Variants in SGCD observed in about 807,000 individuals in gnomAD.
SGCD encodes delta-sarcoglycan.
A neutral mutation model predicts 36.6 loss-of-function variants in SGCD; 18 were observed. The observed-to-expected ratio is 0.49, with a 90% CI of 0.34 to 0.73. SGCD has a LOEUF of 0.73. Among genes scored for constraint, SGCD ranks in the 30% least tolerant of loss-of-function variants. The probability of loss-of-function intolerance (pLI) is 0.01; values close to 1 mark genes in which losing one functional copy is unlikely to be tolerated. For synonymous variants in SGCD, 133 were observed against 130.6 expected (o/e 1.02, Z -0.12); for missense variants, 387 against 346.7 (o/e 1.12, Z -0.92).
intron 1 of SGCD, among the ~76,000 whole-genome samples, chr5:155,898,194 G>T (rs748009068): frequency 2.0e-5 from 3 of 152,106 alleles, no homozygotes; most frequent in Non-Finnish European, 4.4e-5. Context: ...AATTGTCCCT[G>T]CTATCCCAGG....
the SGCD span, among the ~76,000 whole-genome samples, chr5:155,785,151 A>G: frequency 6.6e-6 from 1 of 152,192 alleles, no homozygotes; most frequent in Non-Finnish European, 1.5e-5. Flanking sequence ...AAAATATCTG[A>G]CAGACCATAA....
intron 3 of SGCD, among the ~76,000 whole-genome samples, chr5:156,239,399 C>CAAAAAAA (rs34839655): frequency 5.5e-5 from 4 of 72,596 alleles, no homozygotes; most frequent in Admixed American, 1.8e-4. Flanking sequence ...GATTTCATCT[C>CAAAAAAA]AAAAAAAAAA....
chr5:156,551,931 A>T (rs1025912460), intron 4 of SGCD, among the ~76,000 whole-genome samples: 1 of 152,218 alleles, frequency 6.6e-6, no homozygotes, highest in African/African-American at 2.4e-5. Flanking sequence ...AGCCTTTTCT[A>T]ACCGACCTGA....
chr5:156,328,260 G>A (rs1329718008), intron 1 of SGCD, among the ~76,000 whole-genome samples: 1 of 152,212 alleles, frequency 6.6e-6, no homozygotes, highest in African/African-American at 2.4e-5. Context: ...GCATTTGAGA[G>A]ACTGGTTCAG....
chr5:156,194,576 G>A (rs147652594), intron 3 of SGCD, among the ~76,000 whole-genome samples: 5 of 152,026 alleles, frequency 3.3e-5, no homozygotes, highest in African/African-American at 1.2e-4. Context: ...GCATAGATAA[G>A]CTACAGATTA....
At chr5:155,972,079 A>G (rs1364365357) in intron 1 of SGCD, among the ~76,000 whole-genome samples, 1 of 152,144 alleles carries the variant, frequency 6.6e-6, no homozygotes, top group Non-Finnish European at 1.5e-5. Context: ...ATATACATCT[A>G]TTTACTTGCT....
intron 1 of SGCD, among the ~76,000 whole-genome samples, chr5:155,901,019 A>G (rs969763771): frequency 2.0e-5 from 3 of 152,140 alleles, no homozygotes; most frequent in African/African-American, 7.2e-5. Flanking sequence ...TTGATGTAAG[A>G]TTTAAAAAAT....
rs188040723 is a variant in SGCD at position 156,079,635 on chromosome 5, C to T, written c.-281-38243C>T. On this transcript the variant is annotated intron_variant, in intron 1 of 9. Transcript: ENST00000517913. ...TACAGGCTCCATGAGAGTTCAAAAC[C>T]GGGGATGGCAGTAACTAAATCTTAA... 9.1e-4 allele frequency among the ~76,000 whole-genome samples: 138 copies of T among 152,282 alleles called. 7 individuals carry two copies. The highest frequency in any genetic ancestry group is 8.8e-3 in the Admixed American group (135 of 15,308).
intron 3 of SGCD, among the ~76,000 whole-genome samples, chr5:156,459,247 G>A (rs1284021926): frequency 6.6e-6 from 1 of 152,144 alleles, no homozygotes; most frequent in African/African-American, 2.4e-5. Context: ...GAGACAGATG[G>A]ACATTAGATA....
At chr5:155,949,258 T>G (rs1296337503) in intron 1 of SGCD, among the ~76,000 whole-genome samples, 1 of 152,190 alleles carries the variant, frequency 6.6e-6, no homozygotes, top group East Asian at 1.9e-4. Flanking sequence ...CTGAGTAAAT[T>G]TCCTGCTCAG....
the SGCD span, among the ~76,000 whole-genome samples, chr5:155,755,684 T>C: frequency 6.6e-6 from 1 of 151,672 alleles, no homozygotes; most frequent in Non-Finnish European, 1.5e-5. Context: ...GTAGGCTGGA[T>C]CCTTCTGTGT....
At chr5:156,212,007 A>G (rs1182064785) in intron 3 of SGCD, among the ~76,000 whole-genome samples, 1 of 152,216 alleles carries the variant, frequency 6.6e-6, no homozygotes, top group East Asian at 1.9e-4. Context: ...AAACGACAAG[A>G]GGTACACAAA....
At chr5:156,116,341 T>A (rs1392856096) in intron 1 of SGCD, among the ~76,000 whole-genome samples, 1 of 152,116 alleles carries the variant, frequency 6.6e-6, no homozygotes, top group Non-Finnish European at 1.5e-5. Context: ...AATTTGCATT[T>A]CTCTTATTAT....
At chr5:155,758,845 T>C in the SGCD span, among the ~76,000 whole-genome samples, 2 of 152,208 alleles carry the variant, frequency 1.3e-5, no homozygotes, top group African/African-American at 4.8e-5. Context: ...TGGCTCTTTT[T>C]CTTTCTTGAT....
chr5:156,528,217 C>T (rs1421449935), intron 4 of SGCD, among the ~76,000 whole-genome samples: 1 of 152,060 alleles, frequency 6.6e-6, no homozygotes, highest in African/African-American at 2.4e-5. Context: ...GTTACTTGAC[C>T]TTTTCTGTGC....
intron 1 of SGCD, among the ~76,000 whole-genome samples, chr5:155,991,746 A>T (rs907340982): frequency 3.3e-5 from 5 of 152,188 alleles, no homozygotes; most frequent in South Asian, 2.1e-4. Flanking sequence ...ATAAAAATTG[A>T]TGCAGATTAT....
chr5:156,671,172 A>C (rs543304917), intron 7 of SGCD, among the ~76,000 whole-genome samples: 1 of 149,980 alleles, frequency 6.7e-6, no homozygotes, highest in South Asian at 2.1e-4. Context: ...TCTGTTTTCC[A>C]CATTAAAAAA....
At chr5:155,819,496 T>A in the SGCD span, among the ~76,000 whole-genome samples, 1 of 152,204 alleles carries the variant, frequency 6.6e-6, no homozygotes, top group Non-Finnish European at 1.5e-5. Flanking sequence ...ACCACTTACA[T>A]AGCACTTACC....
At chr5:156,420,611 T>C (rs1773257445) in intron 3 of SGCD, among the ~76,000 whole-genome samples, 1 of 152,110 alleles carries the variant, frequency 6.6e-6, no homozygotes, top group Admixed American at 6.6e-5. Context: ...CAAAGAAATG[T>C]ATTTTACTTC....
Sources: gnomAD v4.1 joint callset for allele counts (sites outside exome capture counted in the v4.1 genomes callset) on GRCh38, gnomAD v4.1.1 for gene constraint, MANE v1.5 for transcripts, NCBI Gene and HGNC (gene_info 2026-07-23, HGNC 2026-07-21) for gene names.